SDAD1: variants seen among roughly 807,000 people sequenced by gnomAD.
The protein encoded by SDAD1 is SDA1 domain containing 1, also known as protein SDA1 homolog.
A neutral mutation model predicts 100.3 loss-of-function variants in SDAD1; 79 were observed. That is an observed-to-expected ratio of 0.79 (90% CI 0.66 to 0.95). The LOEUF is 0.95. Among genes scored for constraint, SDAD1 ranks in the 40% least tolerant of loss-of-function variants. The pLI, the probability that SDAD1 is intolerant of heterozygous loss-of-function variation, is 0.00. For missense variants in SDAD1, 790 were observed against 810.9 expected, an observed-to-expected ratio of 0.97 and a Z score of 0.31; for synonymous variants, 267 against 271.4, an observed-to-expected ratio of 0.98 and a Z score of 0.16.
In SDAD1 at chr4:75,957,387, C is replaced by G; in HGVS notation, c.1792G>C (p.Asp598His). ...EPRGELLSLR[D>H]IERLHKKPKS... Reference sequence around the variant, plus strand: ...GGCTTTTTATGAAGGCGTTCAATGTCCCGAAGAGAAAGTAATTCACCCCTG... The same window carrying G: ...GGCTTTTTATGAAGGCGTTCAATGTGCCGAAGAGAAAGTAATTCACCCCTG... Residue 598 changes from aspartate (D) to histidine (H), a missense_variant, in exon 20 of 22, where the codon GAC (aspartate) becomes CAC (histidine). Asp to His is a moderately conservative substitution (Grantham distance 81). Transcript: ENST00000356260. 1 of 1,614,014 alleles carries G rather than the reference C, an allele frequency of 6.2e-7. No homozygotes were observed. Among genetic ancestry groups the G allele is most frequent in the Non-Finnish European group, 8.5e-7 (1 of 1,180,004 alleles).
Position 75,971,423 on chromosome 4 carries a change from T to C in SDAD1, c.747A>G (p.Gln249=). The part of the protein sequence containing the change: ...DGPTARDLLV[Q]YATGKKSSKN... ...TGGAACTTTTCTTCCCTGTAGCATA[T>C]TGTACTAGCAGGTCTCTTGCTGTTG... The change falls in exon 9 of 22, where the codon CAA becomes CAG. Residue 249 remains glutamine (Q), a synonymous_variant. Coordinates refer to ENST00000356260, the MANE Select transcript of SDAD1 (RefSeq NM_018115.4). 6.2e-7 allele frequency: 1 copy of C among 1,614,084 alleles called. No individual in the cohort carries two copies.
At chr4:75,954,522 A>C (rs1418643108) in intron 21 of SDAD1, among the ~76,000 whole-genome samples, 3 of 151,958 alleles carry the variant, frequency 2.0e-5, no homozygotes, top group Non-Finnish European at 4.4e-5. Flanking sequence ...AAAATACAAA[A>C]ATTAGCCGGG....
At position 75,950,701 on chromosome 4, in the gene SDAD1, A is replaced by C. The variant is rs1047653913; in HGVS notation, c.*49T>G. 48 of 1,343,318 alleles carry C rather than the reference A, an allele frequency of 3.6e-5. No homozygotes were observed. The highest frequency in any genetic ancestry group is 4.9e-5 in the Non-Finnish European group (46 of 948,040). The allele number at this position is 1,343,318 out of a possible 1,614,324, so 83.2% of individuals were successfully genotyped here. A position where few individuals can be genotyped will look rare whatever the true frequency, so the allele number is the denominator to read the frequency against. The stretch of plus-strand genomic sequence containing the variant: ...TGCTTGATTTACCAATTTTCAGAGC[A>C]AGGACACAAACTTAGCATTCTTCTA... On this transcript the variant is annotated 3_prime_UTR_variant, in exon 22 of 22. Coordinates refer to ENST00000356260, the MANE Select transcript of SDAD1 (RefSeq NM_018115.4).
intron 13 of SDAD1, among the ~76,000 whole-genome samples, chr4:75,965,328 C>A (rs1255782814): frequency 6.6e-6 from 1 of 152,194 alleles, no homozygotes; most frequent in African/African-American, 2.4e-5. Flanking sequence ...AACCCTGTCT[C>A]CTGATAAGAT....
intron 14 of SDAD1, among the ~76,000 whole-genome samples, chr4:75,962,508 C>T (rs111509689): frequency 4.6e-5 from 7 of 152,194 alleles, no homozygotes; most frequent in African/African-American, 1.7e-4. Context: ...AGTTTACAGT[C>T]CCATCAACAG....
At chr4:75,990,175 GC>G (rs1487596593) in intron 1 of SDAD1, among the ~76,000 whole-genome samples, 2 of 151,848 alleles carry the variant, frequency 1.3e-5, no homozygotes, top group Non-Finnish European at 2.9e-5. Flanking sequence ...TTTTCCCGAA[GC>G]AAATTCTGAC....
chr4:75,990,570 G>A (rs1032472257), intron 1 of SDAD1, 182 bp downstream of exon 1: 17 of 1,279,378 alleles, frequency 1.3e-5, no homozygotes, highest in South Asian at 5.0e-5. Flanking sequence ...ATTTTCAAGA[G>A]GTGGGGAACG....
At position 75,984,524 on chromosome 4, in the gene SDAD1, C is replaced by T. The variant is rs1026618943; in HGVS notation, c.91-2487G>A. Reference sequence around the variant, plus strand: ...AGTAACTTTATGCTAGAGCTCTAGGCAGGATGTGTTAACAGCCAATAGCAG... The same window carrying T: ...AGTAACTTTATGCTAGAGCTCTAGGTAGGATGTGTTAACAGCCAATAGCAG... On this transcript the variant is annotated intron_variant, in intron 1 of 21. Transcript: ENST00000356260. Among the ~76,000 whole-genome samples the T allele has an allele frequency of 4.5e-4, 68 of 151,990 alleles. 1 individual carries two copies.
In SDAD1 at chr4:75,964,148, C is replaced by T. The variant is rs1729404796; in HGVS notation, c.1168G>A (p.Val390Ile). Residue 390 changes from valine to isoleucine, a missense_variant, in exon 14 of 22, where the codon GTC becomes ATC. Transcript: ENST00000356260. ...NFVTDKNSGEVMTVGINAIKE... is the reference protein window; with the variant it reads ...NFVTDKNSGEIMTVGINAIKE... ...GATTCTACATACCCTACTGTCATGACTTCTCCAGAGTTCTTGTCGGTAACA... is the reference window on the plus strand; with the variant it reads ...GATTCTACATACCCTACTGTCATGATTTCTCCAGAGTTCTTGTCGGTAACA... 1 of 1,609,800 alleles carries T rather than the reference C, an allele frequency of 6.2e-7. No individual in the cohort carries two copies. Among genetic ancestry groups the T allele is most frequent in the Non-Finnish European group, 8.5e-7 (1 of 1,177,542 alleles).
At chr4:75,959,097 C>CAAAAAAAAAAAAAAAAA (rs61245198) in intron 17 of SDAD1, among the ~76,000 whole-genome samples, 5 of 54,986 alleles carry the variant, frequency 9.1e-5, no homozygotes, top group African/African-American at 1.6e-4. Flanking sequence ...GACTCTGTCT[C>CAAAAAAAAAAAAAAAAA]AAAAAAAAAA....
In SDAD1 at chr4:75,975,850, G is replaced by A. The variant is rs758314693; in HGVS notation, c.478-6C>T. 29 of 1,612,426 alleles carry A rather than the reference G, an allele frequency of 1.8e-5. No individual in the cohort carries two copies. The highest frequency in any genetic ancestry group is 9.3e-6 in the Non-Finnish European group (11 of 1,178,646). ...TACATGAAATTTTGCAATACCTGCA[G>A]AAAAGGAGGAGAAAGAAGACTTAAT... On this transcript the variant is annotated splice_region_variant and splice_polypyrimidine_tract_variant and intron_variant, in intron 5 of 21. Coordinates refer to ENST00000356260, the MANE Select transcript of SDAD1 (RefSeq NM_018115.4).
intron 12 of SDAD1, among the ~76,000 whole-genome samples, chr4:75,966,519 T>C (rs528665114): frequency 1.8e-4 from 27 of 152,304 alleles, no homozygotes; most frequent in African/African-American, 6.3e-4. Flanking sequence ...CCATGTTAGA[T>C]ACTGAATAAA....
In SDAD1 at chr4:75,964,194, A is replaced by T. The variant is rs547658854; in HGVS notation, c.1122T>A (p.Leu374=). 3.7e-6 allele frequency: 6 copies of T among 1,607,946 alleles called. No individual in the cohort carries two copies. Among genetic ancestry groups the T allele is most frequent in the African/African-American group, 2.7e-5 (2 of 74,642 alleles). The change falls in exon 14 of 22, where the codon CTT becomes CTA. Residue 374 remains leucine (L), a synonymous_variant. Coordinates refer to ENST00000356260, the MANE Select transcript of SDAD1 (RefSeq NM_018115.4). The part of the protein sequence containing the change: ...LVPPEIIQSL[L]MTVANNFVTD... ...TAACAAAATTGTTTGCCACAGTCAT[A>T]AGCAATGATTGAATAATCTGAATTG...
chr4:75,960,214 G>A (rs778630471), intron 16 of SDAD1, 22 bp from the exon 17 acceptor site: 2 of 1,549,676 alleles, frequency 1.3e-6, no homozygotes, highest in Non-Finnish European at 1.7e-6. Context: ...GAAATTGTTT[G>A]TAATAAGTTG....
At chr4:75,978,954 G>A (rs1231515942) in intron 3 of SDAD1, among the ~76,000 whole-genome samples, 1 of 126,174 alleles carries the variant, frequency 7.9e-6, no homozygotes, top group Non-Finnish European at 1.6e-5. Context: ...ACTCCAGCCT[G>A]GGCAGCTGAG....
chr4:75,986,273 T>C (rs962183569), intron 1 of SDAD1, among the ~76,000 whole-genome samples: 1 of 152,032 alleles, frequency 6.6e-6, no homozygotes, highest in Non-Finnish European at 1.5e-5. Flanking sequence ...CACAAATTCA[T>C]AACTACAAAC....
intron 8 of SDAD1, 70 bp from the exon 9 acceptor site, chr4:75,971,528 C>T: frequency 1.8e-6 from 2 of 1,124,832 alleles, no homozygotes; most frequent in Non-Finnish European, 2.7e-6. Context: ...GTAAACCTTT[C>T]AGCCACTTCT....
At chr4:75,953,384 G>A (rs1210686965) in intron 21 of SDAD1, among the ~76,000 whole-genome samples, 1 of 152,122 alleles carries the variant, frequency 6.6e-6, no homozygotes, top group African/African-American at 2.4e-5. Flanking sequence ...CCTACCAACA[G>A]GGTAATTAAT....
chr4:75,977,572 C>A (rs1032161015), intron 4 of SDAD1, 74 bp downstream of exon 4: 3 of 909,758 alleles, frequency 3.3e-6, no homozygotes, highest in African/African-American at 1.7e-5. Flanking sequence ...TGTAAAGCAT[C>A]GATAATTCAA....
Sources: allele counts gnomAD v4.1 joint callset (sites outside exome capture counted in the v4.1 genomes callset), GRCh38; gene constraint gnomAD v4.1.1; transcripts MANE v1.5; gene names NCBI Gene and HGNC (gene_info 2026-07-23, HGNC 2026-07-21).